The following PPM1L variants were observed in gnomAD, a reference collection of about 807,000 sequenced individuals.
PPM1L encodes protein phosphatase 1L.
Under a neutral mutation model 31.4 loss-of-function variants are expected in PPM1L, and 13 were observed. That is an observed-to-expected ratio of 0.41 (90% CI 0.27 to 0.66). The LOEUF (loss-of-function observed/expected upper bound fraction) is 0.66. PPM1L is among the 30% of genes least tolerant of loss of function. The probability of loss-of-function intolerance (pLI) is 0.29; values close to 1 mark genes in which losing one functional copy is unlikely to be tolerated. For synonymous variants in PPM1L, 184 were observed against 175.4 expected, an observed-to-expected ratio of 1.05 and a Z score of -0.39; for missense variants, 326 against 453.7, an observed-to-expected ratio of 0.72 and a Z score of 2.56.
chr3:160,924,174 A>G (rs1714510229), intron 1 of PPM1L, among the ~76,000 whole-genome samples: 1 of 152,214 alleles, frequency 6.6e-6, no homozygotes, highest in Non-Finnish European at 1.5e-5. Context: ...TTTCTGTCCC[A>G]GGGAAATAAT....
chr3:161,064,185 TAAAAAAA>T (rs772222080), intron 2 of PPM1L, among the ~76,000 whole-genome samples: 1 of 125,690 alleles, frequency 8.0e-6, no homozygotes, highest in Non-Finnish European at 1.7e-5. Context: ...AAAGTAAAAT[TAAAAAAA>T]AAAAAAAAGA....
intron 1 of PPM1L, among the ~76,000 whole-genome samples, chr3:160,882,875 T>C (rs935498): frequency 0.1 from 15,268 of 152,296 alleles, 1,058 homozygotes; most frequent in Non-Finnish European, 0.15. Context: ...CTTGTTCTTA[T>C]CTGTTTCATT....
intron 1 of PPM1L, among the ~76,000 whole-genome samples, chr3:160,772,075 A>G (rs1335713669): frequency 6.6e-6 from 1 of 152,140 alleles, no homozygotes; most frequent in Non-Finnish European, 1.5e-5. Flanking sequence ...AGCAGCAAAT[A>G]ATTTTTGGAA....
At chr3:160,763,174 TA>T (rs1402591081) in intron 1 of PPM1L, among the ~76,000 whole-genome samples, 3 of 152,236 alleles carry the variant, frequency 2.0e-5, no homozygotes, top group African/African-American at 7.2e-5. Flanking sequence ...TTGCCAGCCA[TA>T]ATTTGAAGCA....
intron 1 of PPM1L, among the ~76,000 whole-genome samples, chr3:160,853,046 C>T (rs554660188): frequency 3.9e-5 from 6 of 152,270 alleles, no homozygotes; most frequent in African/African-American, 1.2e-4. Flanking sequence ...TCCTGCCTCT[C>T]CAGCTGGAGG....
chr3:160,936,801 T>C (rs1021563330), intron 1 of PPM1L, among the ~76,000 whole-genome samples: 3 of 152,246 alleles, frequency 2.0e-5, no homozygotes, highest in Admixed American at 6.5e-5. Context: ...CCTGACCTTT[T>C]AAATTACTTT....
At chr3:160,802,950 A>G (rs931576397) in intron 1 of PPM1L, among the ~76,000 whole-genome samples, 1 of 152,196 alleles carries the variant, frequency 6.6e-6, no homozygotes, top group East Asian at 1.9e-4. Flanking sequence ...CATGGACTCT[A>G]TTAAGATAGA....
intron 1 of PPM1L, among the ~76,000 whole-genome samples, chr3:160,863,977 G>A (rs1206762314): frequency 6.6e-6 from 1 of 152,122 alleles, no homozygotes; most frequent in Non-Finnish European, 1.5e-5. Context: ...GTAACCCTGG[G>A]TAGGTAAAGA....
chr3:161,002,276 T>G (rs1717517488), intron 2 of PPM1L, among the ~76,000 whole-genome samples: 1 of 152,194 alleles, frequency 6.6e-6, no homozygotes, highest in South Asian at 2.1e-4. Context: ...TTTGCTATTG[T>G]GAATAATGCC....
intron 1 of PPM1L, among the ~76,000 whole-genome samples, chr3:160,766,740 G>A (rs1291047766): frequency 6.8e-6 from 1 of 147,238 alleles, no homozygotes; most frequent in East Asian, 2.0e-4. Context: ...TGATCTCTCT[G>A]GAGGTTTTTT....
At chr3:160,916,620 G>T (rs1714192319) in intron 1 of PPM1L, among the ~76,000 whole-genome samples, 1 of 151,898 alleles carries the variant, frequency 6.6e-6, no homozygotes, top group Non-Finnish European at 1.5e-5. Flanking sequence ...AGTACACTCT[G>T]CAATCTACTT....
At position 161,065,579 on chromosome 3, in the gene PPM1L, A is replaced by G. The variant is rs1307686582; in HGVS notation, c.736+15A>G. 1 of 1,608,326 alleles carries G rather than the reference A, an allele frequency of 6.2e-7. No individual in the cohort carries two copies. Among genetic ancestry groups the G allele is most frequent in the Admixed American group, 1.7e-5 (1 of 59,524 alleles). The stretch of plus-strand genomic sequence containing the variant: ...AAAGAGAGCAGGTGAGCTTGTGAAC[A>G]CCTCCAAGAAATGTCTGCTGTCTTG... On this transcript the variant is annotated intron_variant, in intron 3 of 3. Transcript: ENST00000498165.
At chr3:160,808,685 AT>A (rs1034457041) in intron 1 of PPM1L, among the ~76,000 whole-genome samples, 8 of 152,162 alleles carry the variant, frequency 5.3e-5, no homozygotes, top group African/African-American at 1.9e-4. Flanking sequence ...GACACTCAGC[AT>A]GTAATTATGT....
chr3:161,044,691 T>C (rs963498811), intron 2 of PPM1L, among the ~76,000 whole-genome samples: 5 of 152,118 alleles, frequency 3.3e-5, no homozygotes, highest in African/African-American at 1.2e-4. Context: ...AGACCATCGA[T>C]GCTAAGAAGA....
At chr3:160,889,363 T>C (rs1321699442) in intron 1 of PPM1L, among the ~76,000 whole-genome samples, 2 of 152,096 alleles carry the variant, frequency 1.3e-5, no homozygotes, top group South Asian at 2.1e-4. Context: ...CAGAGAATAC[T>C]ATAAACACCT....
chr3:160,760,445 G>T (rs146376600), intron 1 of PPM1L, among the ~76,000 whole-genome samples: 3 of 152,128 alleles, frequency 2.0e-5, no homozygotes, highest in Admixed American at 6.5e-5. Flanking sequence ...ATTTTAAAGA[G>T]CCTTATCTCA....
intron 1 of PPM1L, among the ~76,000 whole-genome samples, chr3:160,919,500 A>G (rs1483452055): frequency 6.6e-6 from 1 of 152,236 alleles, no homozygotes; most frequent in Non-Finnish European, 1.5e-5. Flanking sequence ...AGTACCTGGT[A>G]GGCTGATGGA....
rs1713198941 is a variant in PPM1L at position 160,892,686 on chromosome 3, T to TA, written c.400-69049dup. On this transcript the variant is annotated intron_variant, in intron 1 of 3. Coordinates refer to ENST00000498165, the MANE Select transcript of PPM1L (RefSeq NM_139245.4). ...ATATAAAAAAGAAAAAAAAAAGAAA[T>TA]ACGTTATTTGGCTCAGAATTATCAA... Among the ~76,000 whole-genome samples the TA allele has an allele frequency of 2.0e-5, 3 of 152,024 alleles. No individual in the cohort carries two copies. The South Asian group carries it at 6.2e-4, about 32-fold the overall frequency.
chr3:161,016,610 C>G (rs1190654788), intron 2 of PPM1L, among the ~76,000 whole-genome samples: 1 of 152,100 alleles, frequency 6.6e-6, no homozygotes, highest in Admixed American at 6.5e-5. Context: ...ATGAGGAACT[C>G]CTTGCCAGAA....
Sources: allele counts gnomAD v4.1 joint callset (sites outside exome capture counted in the v4.1 genomes callset), GRCh38; gene constraint gnomAD v4.1.1; transcripts MANE v1.5; gene names NCBI Gene and HGNC (gene_info 2026-07-23, HGNC 2026-07-21).